CWF19L2: variants seen among roughly 807,000 people sequenced by gnomAD.
The protein encoded by CWF19L2 is CWF19 like cell cycle control factor 2, also known as CWF19-like protein 2.
A neutral mutation model predicts 111.7 loss-of-function variants in CWF19L2; 98 were observed. The ratio of observed to expected loss-of-function variants is 0.88; its 90% confidence interval spans 0.75 to 1.04. The LOEUF is 1.04. Among genes scored for constraint, CWF19L2 ranks in the 50% least tolerant of loss-of-function variants. CWF19L2 has a pLI of 0.00. For synonymous variants in CWF19L2, 351 were observed against 342.9 expected, an observed-to-expected ratio of 1.02 and a Z score of -0.26; for missense variants, 1,101 against 1,051.4, an observed-to-expected ratio of 1.05 and a Z score of -0.65.
At chr11:107,418,386 A>G in intron 8 of CWF19L2, 99 bp from the exon 9 acceptor site, 1 of 761,660 alleles carries the variant, frequency 1.3e-6, no homozygotes, top group Non-Finnish European at 2.4e-6. Flanking sequence ...TCAACAAAGC[A>G]TTCAGTACCA....
At chr11:107,330,121 C>A in intron 16 of CWF19L2, 102 bp from the exon 17 acceptor site, 1 of 579,148 alleles carries the variant, frequency 1.7e-6, no homozygotes, top group South Asian at 3.4e-5. Flanking sequence ...TTAAGCATTC[C>A]TCAAGACAAA....
At chr11:107,354,761 T>G (rs976718381) in intron 12 of CWF19L2, among the ~76,000 whole-genome samples, 5 of 152,246 alleles carry the variant, frequency 3.3e-5, no homozygotes, top group African/African-American at 9.6e-5. Context: ...TATTTATACC[T>G]GCTGCATTGG....
At chr11:107,336,450 T>G in intron 15 of CWF19L2, 108 bp downstream of exon 15, 1 of 895,740 alleles carries the variant, frequency 1.1e-6, no homozygotes, top group Non-Finnish European at 1.7e-6. Context: ...TTTATATAAA[T>G]TTTGATGTAA....
chr11:107,343,440 G>T (rs1218519209), intron 14 of CWF19L2, among the ~76,000 whole-genome samples: 1 of 151,328 alleles, frequency 6.6e-6, no homozygotes. Context: ...TTCATTAATG[G>T]CTGCATAATA....
chr11:107,389,955 T>A, intron 12 of CWF19L2, 119 bp downstream of exon 12: 1 of 845,950 alleles, frequency 1.2e-6, no homozygotes, highest in Non-Finnish European at 1.8e-6. Context: ...TTACAAAGGA[T>A]TTAATTTAAT....
At chr11:107,392,687 T>C in intron 11 of CWF19L2, 92 bp downstream of exon 11, 1 of 692,550 alleles carries the variant, frequency 1.4e-6, no homozygotes, top group Non-Finnish European at 2.3e-6. Context: ...AAAAGCCACA[T>C]TTCAGAAAAT....
intron 10 of CWF19L2, among the ~76,000 whole-genome samples, chr11:107,401,676 C>A (rs988440426): frequency 3.9e-5 from 6 of 151,976 alleles, no homozygotes; most frequent in African/African-American, 1.5e-4. Flanking sequence ...TCTACAAATT[C>A]AACACAATCC....
At chr11:107,378,160 C>T (rs1442603087) in intron 12 of CWF19L2, among the ~76,000 whole-genome samples, 2 of 150,364 alleles carry the variant, frequency 1.3e-5, no homozygotes, top group East Asian at 3.9e-4. Context: ...CACTTTTACA[C>T]TGTTGGTGGG....
chr11:107,397,321 G>A (rs963464621), intron 10 of CWF19L2, among the ~76,000 whole-genome samples: 2 of 152,136 alleles, frequency 1.3e-5, no homozygotes, highest in African/African-American at 4.8e-5. Context: ...CACGCTGTTG[G>A]TGGGGGCACA....
At chr11:107,338,580 C>T (rs192888634) in intron 14 of CWF19L2, among the ~76,000 whole-genome samples, 1 of 152,192 alleles carries the variant, frequency 6.6e-6, no homozygotes, top group East Asian at 1.9e-4. Context: ...TCCCACCCAC[C>T]GACAGGCTCC....
intron 10 of CWF19L2, chr11:107,403,702 G>T (rs1189566996): frequency 2.5e-6 from 2 of 802,902 alleles, no homozygotes; most frequent in Non-Finnish European, 4.5e-6. Flanking sequence ...GACTGCACTC[G>T]GCTTGCTCTG....
In CWF19L2 at chr11:107,348,944, T is replaced by A. The variant is rs1216112229; in HGVS notation, c.2195A>T (p.Glu732Val). The A allele has an allele frequency of 3.2e-6, 5 of 1,580,074 alleles. No individual in the cohort carries two copies. Among genetic ancestry groups the A allele is most frequent in the Non-Finnish European group, 4.3e-6 (5 of 1,155,558 alleles). The change falls in exon 14 of 18, where the codon GAG becomes GTG. Residue 732 changes from glutamate to valine, a missense_variant. By Grantham distance (121) the Glu-to-Val change is moderately radical. Transcript: ENST00000282251. ...AACATTTATTATGCTGACCTGGATC[T>A]CCTCCCAGATGTCTTCATCCAACAA... is the stretch of plus-strand genomic sequence containing the variant. Reference protein sequence around the residue: ...ATLLDEDIWEEIQMFRKSLVK... With the variant: ...ATLLDEDIWEVIQMFRKSLVK...
At chr11:107,428,183 T>G (rs1229038341) in intron 8 of CWF19L2, among the ~76,000 whole-genome samples, 1 of 152,148 alleles carries the variant, frequency 6.6e-6, no homozygotes, top group Non-Finnish European at 1.5e-5. Context: ...CAACCTGGGT[T>G]TCCTCATCTT....
At chr11:107,404,085 A>T (rs1427319292) in intron 10 of CWF19L2, 1 of 772,378 alleles carries the variant, frequency 1.3e-6, no homozygotes, top group Non-Finnish European at 2.4e-6. Context: ...GAATGCTCAT[A>T]TATGGTTCTC....
intron 11 of CWF19L2, among the ~76,000 whole-genome samples, chr11:107,390,413 T>C (rs1184231906): frequency 6.6e-6 from 1 of 152,150 alleles, no homozygotes; most frequent in African/African-American, 2.4e-5. Flanking sequence ...ACCTCTTTAC[T>C]CTCCTCTTCC....
At chr11:107,425,334 A>G (rs1422089451) in intron 8 of CWF19L2, among the ~76,000 whole-genome samples, 1 of 151,874 alleles carries the variant, frequency 6.6e-6, no homozygotes. Flanking sequence ...GACAGACCAC[A>G]TGACAGTAAT....
At chr11:107,356,590 T>A (rs1860240209) in intron 12 of CWF19L2, among the ~76,000 whole-genome samples, 1 of 152,372 alleles carries the variant, frequency 6.6e-6, no homozygotes, top group African/African-American at 2.4e-5. Flanking sequence ...TAACTTTATA[T>A]CTTCATCTAA....
chr11:107,451,712 G>A (rs1057167865), intron 3 of CWF19L2, among the ~76,000 whole-genome samples: 1 of 152,066 alleles, frequency 6.6e-6, no homozygotes, highest in Non-Finnish European at 1.5e-5. Flanking sequence ...CAGAAAAACC[G>A]AAATTACTAA....
chr11:107,334,775 C>A, intron 16 of CWF19L2, 106 bp downstream of exon 16: 1 of 750,968 alleles, frequency 1.3e-6, no homozygotes, highest in East Asian at 2.5e-5. Flanking sequence ...AGTAATTTCG[C>A]CTTCAGTCAC....
Sources: gnomAD v4.1 joint callset for allele counts (sites outside exome capture counted in the v4.1 genomes callset) on GRCh38, gnomAD v4.1.1 for gene constraint, MANE v1.5 for transcripts, NCBI Gene and HGNC (gene_info 2026-07-23, HGNC 2026-07-21) for gene names.